HS6ST3: variants seen among roughly 807,000 people sequenced by gnomAD.
HS6ST3 encodes heparan sulfate 6-O-sulfotransferase 3, also known as heparan-sulfate 6-O-sulfotransferase 3.
In HS6ST3, 12 loss-of-function variants were observed where a neutral mutation model predicts 36.7. The ratio of observed to expected loss-of-function variants is 0.33; its 90% CI spans 0.21 to 0.53. HS6ST3 has a LOEUF of 0.53. Ranked by LOEUF, HS6ST3 falls within the 20% of genes least tolerant of loss-of-function variation. HS6ST3 has a pLI of 0.95. For synonymous variants in HS6ST3, 240 were observed against 257.5 expected (o/e 0.93, Z 0.65); for missense variants, 584 against 640.9 (o/e 0.91, Z 0.96).
At chr13:96,354,517 A>G (rs1429564327) in intron 1 of HS6ST3, among the ~76,000 whole-genome samples, 1 of 152,160 alleles carries the variant, frequency 6.6e-6, no homozygotes, top group African/African-American at 2.4e-5. Flanking sequence ...TACCTAATTA[A>G]AAAATCTGTG....
chr13:96,277,520 T>G (rs1473515941), intron 1 of HS6ST3, among the ~76,000 whole-genome samples: 1 of 152,190 alleles, frequency 6.6e-6, no homozygotes, highest in Non-Finnish European at 1.5e-5. Context: ...ATTTCTTTAT[T>G]TATTCAGAAA....
intron 1 of HS6ST3, among the ~76,000 whole-genome samples, chr13:96,522,946 C>G (rs1413707089): frequency 6.6e-6 from 1 of 152,220 alleles, no homozygotes; most frequent in Non-Finnish European, 1.5e-5. Flanking sequence ...GATGCAGTTT[C>G]TTCTTAGCCT....
chr13:96,299,971 A>T (rs1159465437), intron 1 of HS6ST3, among the ~76,000 whole-genome samples: 3 of 151,194 alleles, frequency 2.0e-5, no homozygotes, highest in African/African-American at 7.3e-5. Flanking sequence ...ACGTACAATC[A>T]TGGCGGAAGA....
At chr13:96,822,901 G>A (rs1878567332) in intron 1 of HS6ST3, among the ~76,000 whole-genome samples, 1 of 152,198 alleles carries the variant, frequency 6.6e-6, no homozygotes, top group South Asian at 2.1e-4. Flanking sequence ...TTCCACAAAT[G>A]TTTAGTCTAA....
chr13:96,724,624 A>G (rs1488936817), intron 1 of HS6ST3, among the ~76,000 whole-genome samples: 1 of 152,152 alleles, frequency 6.6e-6, no homozygotes, highest in Non-Finnish European at 1.5e-5. Flanking sequence ...ATTATAAAAT[A>G]TATACTCTTG....
chr13:96,373,141 C>T (rs112430076), intron 1 of HS6ST3, among the ~76,000 whole-genome samples: 2,230 of 152,246 alleles, frequency 0.015, 26 homozygotes, highest in East Asian at 0.056. Flanking sequence ...CTTCGTACAT[C>T]TCTTATAAGG....
At chr13:96,703,652 G>A (rs1297415825) in intron 1 of HS6ST3, among the ~76,000 whole-genome samples, 1 of 152,102 alleles carries the variant, frequency 6.6e-6, no homozygotes, top group African/African-American at 2.4e-5. Context: ...TTCACTGCTG[G>A]GGCATTTTAC....
At chr13:96,388,280 A>T (rs2055378343) in intron 1 of HS6ST3, among the ~76,000 whole-genome samples, 1 of 152,242 alleles carries the variant, frequency 6.6e-6, no homozygotes, top group African/African-American at 2.4e-5. Context: ...AAGAGCAGTC[A>T]GTCCATGAAT....
At position 96,750,945 on chromosome 13, in the gene HS6ST3, A is replaced by T. The variant is rs142067871; in HGVS notation, c.708-81545A>T. On this transcript the variant is annotated intron_variant, in intron 1 of 1. Coordinates refer to ENST00000376705, the MANE Select transcript of HS6ST3 (RefSeq NM_153456.4). ...CATTTTCATACACTATAGAGAATAT[A>T]GAATTAAAATTGCTTATTTTCTTCC... Among the ~76,000 whole-genome samples the T allele has an allele frequency of 2.0e-5, 3 of 152,348 alleles. No individual in the cohort carries two copies. The East Asian group carries it at 5.8e-4, about 29-fold the overall frequency.
At chr13:96,361,968 A>G (rs1302937607) in intron 1 of HS6ST3, among the ~76,000 whole-genome samples, 3 of 152,222 alleles carry the variant, frequency 2.0e-5, no homozygotes, top group South Asian at 2.1e-4. Context: ...ATGCAAATCA[A>G]TCAGAAACTC....
At chr13:96,321,708 C>T (rs2055003790) in intron 1 of HS6ST3, among the ~76,000 whole-genome samples, 1 of 152,152 alleles carries the variant, frequency 6.6e-6, no homozygotes. Flanking sequence ...TGTTCCTGCT[C>T]CTCTGTCACT....
intron 1 of HS6ST3, among the ~76,000 whole-genome samples, chr13:96,292,199 G>T (rs1370464018): frequency 7.5e-6 from 1 of 133,130 alleles, no homozygotes; most frequent in East Asian, 2.2e-4. Context: ...GTTTTTAGAA[G>T]TTTAGAGTAA....
chr13:96,322,816 G>A (rs2055011065), intron 1 of HS6ST3, among the ~76,000 whole-genome samples: 1 of 152,142 alleles, frequency 6.6e-6, no homozygotes, highest in Admixed American at 6.5e-5. Context: ...GGCCATTGAT[G>A]GCCTACATGT....
At chr13:96,376,378 ATTG>A (rs2055315015) in intron 1 of HS6ST3, among the ~76,000 whole-genome samples, 1 of 152,180 alleles carries the variant, frequency 6.6e-6, no homozygotes, top group Non-Finnish European at 1.5e-5. Flanking sequence ...CTTGGGAGCC[ATTG>A]TACTGTCTTT....
At chr13:96,120,660 C>T (rs1428258129) in intron 1 of HS6ST3, among the ~76,000 whole-genome samples, 1 of 151,760 alleles carries the variant, frequency 6.6e-6, no homozygotes, top group Non-Finnish European at 1.5e-5. Context: ...TTTTGAAGAA[C>T]AATGTATTTT....
At chr13:96,688,244 A>ATAATAATAAT (rs1566430088) in intron 1 of HS6ST3, among the ~76,000 whole-genome samples, 7 of 150,926 alleles carry the variant, frequency 4.6e-5, no homozygotes, top group African/African-American at 1.5e-4. Flanking sequence ...CATCATAATA[A>ATAATAATAAT]AAAGACTCTC....
intron 1 of HS6ST3, among the ~76,000 whole-genome samples, chr13:96,441,082 A>C (rs2055668718): frequency 6.6e-6 from 1 of 152,152 alleles, no homozygotes. Context: ...TCCCTCCACC[A>C]TATGCAGATT....
At chr13:96,807,204 T>C (rs1878215279) in intron 1 of HS6ST3, among the ~76,000 whole-genome samples, 1 of 152,172 alleles carries the variant, frequency 6.6e-6, no homozygotes, top group Non-Finnish European at 1.5e-5. Flanking sequence ...GTTGTGACAA[T>C]TACATCACAA....
At chr13:96,777,498 A>G (rs1877417818) in intron 1 of HS6ST3, among the ~76,000 whole-genome samples, 1 of 152,208 alleles carries the variant, frequency 6.6e-6, no homozygotes, top group African/African-American at 2.4e-5. Context: ...TACAAAATCA[A>G]TGTACAAAAA....
Sources: allele counts gnomAD v4.1 joint callset (sites outside exome capture counted in the v4.1 genomes callset), GRCh38; gene constraint gnomAD v4.1.1; transcripts MANE v1.5; gene names NCBI Gene and HGNC (gene_info 2026-07-23, HGNC 2026-07-21).